The following ITGA9 variants were observed in gnomAD, a reference collection of about 807,000 sequenced individuals.
ITGA9 encodes the protein integrin alpha-9.
ITGA9 carries 56 observed loss-of-function variants against 127.8 expected under a neutral mutation model. That is an observed-to-expected ratio of 0.44 (90% CI 0.35 to 0.55). ITGA9 has a LOEUF of 0.55. Ranked by LOEUF, ITGA9 falls within the 20% of genes least tolerant of loss-of-function variation. The probability of loss-of-function intolerance (pLI) is 0.00; values close to 1 mark genes in which losing one functional copy is unlikely to be tolerated. For synonymous variants in ITGA9, 508 were observed against 514.5 expected (o/e 0.99, Z 0.17); for missense variants, 1,196 against 1,347.1 (o/e 0.89, Z 1.76).
At chr3:37,624,223 T>A (rs1484638317) in intron 15 of ITGA9, among the ~76,000 whole-genome samples, 10 of 116,460 alleles carry the variant, frequency 8.6e-5, no homozygotes, top group African/African-American at 2.8e-4. Context: ...TTTTTTTTTT[T>A]AATGGAGACA....
intron 11 of ITGA9, 102 bp from the exon 12 acceptor site, chr3:37,523,419 T>C (rs1314823055): frequency 1.2e-5 from 11 of 942,104 alleles, no homozygotes; most frequent in Non-Finnish European, 1.9e-5. Context: ...TTCAACAACT[T>C]TAAGACCAAG....
intron 18 of ITGA9, among the ~76,000 whole-genome samples, chr3:37,710,107 G>A (rs1341783662): frequency 6.6e-6 from 1 of 152,184 alleles, no homozygotes; most frequent in South Asian, 2.1e-4. Context: ...GTGCCAGGGA[G>A]GGGAGGAACA....
At chr3:37,685,560 G>A (rs1559567332) in intron 18 of ITGA9, among the ~76,000 whole-genome samples, 1 of 152,186 alleles carries the variant, frequency 6.6e-6, no homozygotes, top group African/African-American at 2.4e-5. Context: ...CCTGTGCAGG[G>A]TGGGTTGGTA....
At chr3:37,719,396 A>T (rs1341790368) in intron 18 of ITGA9, among the ~76,000 whole-genome samples, 2 of 152,108 alleles carry the variant, frequency 1.3e-5, no homozygotes, top group Non-Finnish European at 2.9e-5. Context: ...CTAGACTAGG[A>T]AGAGGTCCTC....
At chr3:37,672,282 G>A (rs1339686056) in intron 17 of ITGA9, among the ~76,000 whole-genome samples, 3 of 152,146 alleles carry the variant, frequency 2.0e-5, no homozygotes, top group African/African-American at 7.2e-5. Context: ...GGAACCCGGT[G>A]GGAGGTAAAT....
intron 17 of ITGA9, among the ~76,000 whole-genome samples, chr3:37,683,651 G>A (rs562830567): frequency 4.6e-5 from 7 of 152,312 alleles, no homozygotes; most frequent in Admixed American, 4.6e-4. Context: ...AAACAGTCTA[G>A]TGAGTTAGGC....
intron 15 of ITGA9, among the ~76,000 whole-genome samples, chr3:37,544,819 C>T (rs943165697): frequency 2.6e-5 from 4 of 152,184 alleles, no homozygotes; most frequent in Non-Finnish European, 5.9e-5. Context: ...TCTCTGAGAC[C>T]TTTATGGTTC....
chr3:37,512,011 T>C (rs929502183), intron 8 of ITGA9, among the ~76,000 whole-genome samples: 1 of 31,974 alleles, frequency 3.1e-5, no homozygotes, highest in African/African-American at 8.0e-5. Flanking sequence ...TTCTTTTCTT[T>C]TCTTTTCTTT....
At chr3:37,797,622 G>T (rs1007889359) in intron 26 of ITGA9, among the ~76,000 whole-genome samples, 3 of 152,076 alleles carry the variant, frequency 2.0e-5, no homozygotes, top group African/African-American at 7.2e-5. Context: ...GTAGAAAAGA[G>T]AAATAATATT....
chr3:37,719,000 C>A (rs987450595), intron 18 of ITGA9, among the ~76,000 whole-genome samples: 2 of 152,214 alleles, frequency 1.3e-5, no homozygotes, highest in African/African-American at 4.8e-5. Context: ...AGTGCACACC[C>A]CCAGTTAAGA....
intron 18 of ITGA9, among the ~76,000 whole-genome samples, chr3:37,716,042 A>C (rs1312512299): frequency 6.6e-6 from 1 of 152,230 alleles, no homozygotes; most frequent in Non-Finnish European, 1.5e-5. Context: ...AAGGTGGGTG[A>C]CTTTGGCACC....
At chr3:37,505,583 G>T (rs1479973425) in intron 6 of ITGA9, among the ~76,000 whole-genome samples, 1 of 152,130 alleles carries the variant, frequency 6.6e-6, no homozygotes, top group South Asian at 2.1e-4. Flanking sequence ...AGGGCATGAG[G>T]GAACCCTCTG....
At chr3:37,650,677 C>G (rs909876346) in intron 16 of ITGA9, among the ~76,000 whole-genome samples, 1 of 152,042 alleles carries the variant, frequency 6.6e-6, no homozygotes, top group Non-Finnish European at 1.5e-5. Flanking sequence ...GGTGATCACC[C>G]GCCTCAGCCT....
intron 1 of ITGA9, among the ~76,000 whole-genome samples, chr3:37,453,517 C>G (rs1698224683): frequency 6.6e-6 from 1 of 152,200 alleles, no homozygotes; most frequent in Non-Finnish European, 1.5e-5. Context: ...TAAACAGCCA[C>G]ACAGTGGTCA....
intron 17 of ITGA9, among the ~76,000 whole-genome samples, chr3:37,658,956 G>A (rs1370037543): frequency 6.6e-6 from 1 of 152,178 alleles, no homozygotes; most frequent in Non-Finnish European, 1.5e-5. Flanking sequence ...AGTTTGGCTG[G>A]ATATGAAATT....
chr3:37,804,089 G>T (rs766674429), intron 27 of ITGA9, 147 bp downstream of exon 27: 2 of 1,253,722 alleles, frequency 1.6e-6, no homozygotes, highest in Admixed American at 1.9e-5. Context: ...GGCAGGGAGT[G>T]GAATCTTGGC....
chr3:37,699,736 G>C (rs751794092), intron 18 of ITGA9, among the ~76,000 whole-genome samples: 4 of 152,124 alleles, frequency 2.6e-5, no homozygotes, highest in Non-Finnish European at 5.9e-5. Context: ...CTGAACATGT[G>C]TCCTGTCACT....
intron 15 of ITGA9, among the ~76,000 whole-genome samples, chr3:37,584,615 C>G (rs978067274): frequency 6.6e-6 from 1 of 151,990 alleles, no homozygotes; most frequent in African/African-American, 2.4e-5. Context: ...TTTATCTGGG[C>G]ATGGTGGCAT....
At chr3:37,593,324 GT>G (rs1699838204) in intron 15 of ITGA9, among the ~76,000 whole-genome samples, 1 of 152,050 alleles carries the variant, frequency 6.6e-6, no homozygotes, top group African/African-American at 2.4e-5. Context: ...TATTTTTATT[GT>G]TTTTTTCCTG....
Sources: allele counts gnomAD v4.1 joint callset (sites outside exome capture counted in the v4.1 genomes callset), GRCh38; gene constraint gnomAD v4.1.1; transcripts MANE v1.5; gene names NCBI Gene and HGNC (gene_info 2026-07-23, HGNC 2026-07-21).